The following KCNJ6 variants were observed in gnomAD, a reference collection of about 807,000 sequenced individuals.
The protein encoded by KCNJ6 is potassium inwardly rectifying channel subfamily J member 6, also known as G protein-activated inward rectifier potassium channel 2.
KCNJ6 carries 9 observed loss-of-function variants against 34.2 expected under a neutral mutation model. That is an observed-to-expected ratio of 0.26 (90% CI 0.16 to 0.46). KCNJ6 has a LOEUF of 0.46. KCNJ6 is among the 20% of genes least tolerant of loss of function. The probability of loss-of-function intolerance (pLI) is 1.00; values close to 1 mark genes in which losing one functional copy is unlikely to be tolerated. For synonymous variants in KCNJ6, 196 were observed against 207.1 expected (o/e 0.95, Z 0.46); for missense variants, 236 against 531.3 (o/e 0.44, Z 5.46).
intron 2 of KCNJ6, among the ~76,000 whole-genome samples, chr21:37,837,768 T>C (rs1465756232): frequency 2.0e-5 from 3 of 152,130 alleles, no homozygotes; most frequent in South Asian, 4.1e-4. Flanking sequence ...ATCAATTTTA[T>C]TGTGTGGTAA....
chr21:37,780,003 C>T (rs946524605), intron 2 of KCNJ6, among the ~76,000 whole-genome samples: 2 of 152,156 alleles, frequency 1.3e-5, no homozygotes, highest in African/African-American at 4.8e-5. Flanking sequence ...GTGTCCTTGA[C>T]TGCCAACTTT....
intron 3 of KCNJ6, among the ~76,000 whole-genome samples, chr21:37,665,972 T>TGA (rs1265486919): frequency 7.2e-5 from 11 of 152,056 alleles, no homozygotes; most frequent in Admixed American, 5.9e-4. Flanking sequence ...GAGCCAGAAA[T>TGA]GAGCAGGCCC....
In KCNJ6 at chr21:37,612,512, A is replaced by G. The variant is rs1399846519; in HGVS notation, c.*12647T>C. The G allele has an allele frequency of 6.6e-6, 1 of 152,206 alleles. No homozygotes were observed. The highest frequency in any genetic ancestry group is 6.5e-5 in the Admixed American group (1 of 15,286). 9.4% of individuals were successfully genotyped at this position (152,206 alleles called of 1,614,324 possible). On this transcript the variant is annotated 3_prime_UTR_variant, in exon 4 of 4. Transcript: ENST00000609713. ...CCAAAAAACTGAGTCTGCAGTTTAT[A>G]TGGAGAAAGAAAGCTACAGTACTCA...
rs140936120 is a variant in KCNJ6 at position 37,781,926 on chromosome 21, C to T, written c.25+58732G>A. 3.9e-3 allele frequency among the ~76,000 whole-genome samples: 598 copies of T among 152,278 alleles called. 2 individuals carry two copies. The highest frequency in any genetic ancestry group is 0.014 in the African/African-American group (569 of 41,556). Reference sequence around the variant, plus strand: ...AGGGTGAATAATGTCCTCCCAAAGACGTCCACATCCCAATCCTCAGAGCCT... The same window carrying T: ...AGGGTGAATAATGTCCTCCCAAAGATGTCCACATCCCAATCCTCAGAGCCT... On this transcript the variant is annotated intron_variant, in intron 2 of 3. Transcript: ENST00000609713.
chr21:37,818,743 T>C (rs1211821341), intron 2 of KCNJ6, among the ~76,000 whole-genome samples: 10 of 152,258 alleles, frequency 6.6e-5, no homozygotes. Flanking sequence ...ATATTCCTAA[T>C]GTTTTTGGTT....
At chr21:37,753,373 A>C (rs548338643) in intron 2 of KCNJ6, among the ~76,000 whole-genome samples, 1 of 152,312 alleles carries the variant, frequency 6.6e-6, no homozygotes, top group African/African-American at 2.4e-5. Context: ...TCTTCCTGGG[A>C]AACACAGATC....
chr21:37,692,019 A>G (rs1474122222), intron 3 of KCNJ6, among the ~76,000 whole-genome samples: 1 of 152,140 alleles, frequency 6.6e-6, no homozygotes, highest in African/African-American at 2.4e-5. Flanking sequence ...GCACTTAGTC[A>G]TTTGGGGTTT....
intron 3 of KCNJ6, among the ~76,000 whole-genome samples, chr21:37,671,094 CT>C (rs1480696145): frequency 1.3e-5 from 2 of 152,156 alleles, no homozygotes; most frequent in African/African-American, 4.8e-5. Flanking sequence ...TTAAGAATGT[CT>C]TTTGTTTGCT....
At chr21:37,728,698 GTATATA>G (rs57901753) in intron 2 of KCNJ6, among the ~76,000 whole-genome samples, 5 of 150,316 alleles carry the variant, frequency 3.3e-5, no homozygotes, top group East Asian at 3.9e-4. Context: ...GTGTGTGTGT[GTATATA>G]TATATATGTT....
chr21:37,822,972 T>C (rs1470116892), intron 2 of KCNJ6, among the ~76,000 whole-genome samples: 3 of 152,066 alleles, frequency 2.0e-5, no homozygotes, highest in Non-Finnish European at 4.4e-5. Context: ...GAAAATTCCT[T>C]CACAAGAGCT....
intron 2 of KCNJ6, among the ~76,000 whole-genome samples, chr21:37,781,571 G>C (rs954668170): frequency 6.6e-6 from 1 of 152,138 alleles, no homozygotes; most frequent in African/African-American, 2.4e-5. Context: ...CATGATGATA[G>C]CAACATGCCT....
chr21:37,778,289 A>G (rs980910813), intron 2 of KCNJ6, among the ~76,000 whole-genome samples: 3 of 152,086 alleles, frequency 2.0e-5, no homozygotes, highest in African/African-American at 7.2e-5. Context: ...TTGCTTTCTG[A>G]AAGTCAGTGT....
At chr21:37,738,159 G>A (rs1198987707) in intron 2 of KCNJ6, among the ~76,000 whole-genome samples, 2 of 152,208 alleles carry the variant, frequency 1.3e-5, no homozygotes, top group East Asian at 1.9e-4. Flanking sequence ...GCAGCCCTGG[G>A]GGCCAACTAT....
chr21:37,731,647 T>C (rs896877373), intron 2 of KCNJ6, among the ~76,000 whole-genome samples: 15 of 152,206 alleles, frequency 9.9e-5, no homozygotes, highest in Admixed American at 2.6e-4. Context: ...TCTAGGGTAC[T>C]TTTTATTAAC....
chr21:37,780,843 C>CATAT (rs1220512091), intron 2 of KCNJ6, among the ~76,000 whole-genome samples: 1 of 151,758 alleles, frequency 6.6e-6, no homozygotes, highest in Non-Finnish European at 1.5e-5. Flanking sequence ...GTACCCTATA[C>CATAT]ATATATATAG....
intron 1 of KCNJ6, among the ~76,000 whole-genome samples, chr21:37,903,307 C>T (rs1009912407): frequency 2.0e-5 from 3 of 152,146 alleles, no homozygotes; most frequent in African/African-American, 7.2e-5. Flanking sequence ...TATAAAGAGG[C>T]ATTCCCCCGC....
intron 3 of KCNJ6, among the ~76,000 whole-genome samples, chr21:37,648,795 G>GT (rs919753875): frequency 5.3e-5 from 8 of 151,932 alleles, no homozygotes; most frequent in South Asian, 4.2e-4. Context: ...GGTTTTTAAA[G>GT]TTTTTTTTAA....
chr21:37,734,345 G>A (rs2054901821), intron 2 of KCNJ6, among the ~76,000 whole-genome samples: 1 of 152,086 alleles, frequency 6.6e-6, no homozygotes, highest in Admixed American at 6.5e-5. Context: ...GTGCAAAGTG[G>A]AGATTGTGCA....
chr21:37,695,549 T>C lies in KCNJ6; in HGVS notation c.946+18662A>G, dbSNP rs1346041229. ...CAGGAGCTGTGACTTTATGCAGACC[T>C]CCCTACATGTTTTCACTCCAGATCA... On this transcript the variant is annotated intron_variant, in intron 3 of 3. Coordinates refer to ENST00000609713, the MANE Select transcript of KCNJ6 (RefSeq NM_002240.5). This position sits in a 1 kb window ranked among gnomAD's most constrained non-coding sequence, Gnocchi z 4.2. Among the ~76,000 whole-genome samples, 1 of 152,188 alleles carries C rather than the reference T, an allele frequency of 6.6e-6. No individual in the cohort carries two copies. Among genetic ancestry groups the C allele is most frequent in the African/African-American group, 2.4e-5 (1 of 41,444 alleles).
Sources: allele counts gnomAD v4.1 joint callset (sites outside exome capture counted in the v4.1 genomes callset), GRCh38; gene constraint gnomAD v4.1.1; non-coding constraint Gnocchi (gnomAD v3.1); transcripts MANE v1.5; gene names NCBI Gene and HGNC (gene_info 2026-07-23, HGNC 2026-07-21).